SIPA1L1: variants seen among roughly 807,000 people sequenced by gnomAD.
SIPA1L1 encodes signal induced proliferation associated 1 like 1.
A neutral mutation model predicts 162.7 loss-of-function variants in SIPA1L1; 26 were observed. The ratio of observed to expected loss-of-function variants is 0.16; its 90% CI spans 0.12 to 0.22. The LOEUF is 0.22. Among genes scored for constraint, SIPA1L1 ranks in the 10% least tolerant of loss-of-function variants. The probability of loss-of-function intolerance (pLI) is 1.00; values close to 1 mark genes in which losing one functional copy is unlikely to be tolerated. For synonymous variants in SIPA1L1, 829 were observed against 837.4 expected, an observed-to-expected ratio of 0.99 and a Z score of 0.17; for missense variants, 1,874 against 2,241.0, an observed-to-expected ratio of 0.84 and a Z score of 3.31.
At chr14:71,538,062 T>C (rs966912795) in intron 4 of SIPA1L1, among the ~76,000 whole-genome samples, 1 of 152,236 alleles carries the variant, frequency 6.6e-6, no homozygotes, top group Non-Finnish European at 1.5e-5. Context: ...CACTCTCTCC[T>C]TTCTAATTTC....
chr14:71,377,388 C>T lies in SIPA1L1; in HGVS notation c.-465+56207C>T, dbSNP rs926047619. 1.4e-4 allele frequency among the ~76,000 whole-genome samples: 21 copies of T among 151,800 alleles called. No individual in the cohort carries two copies. Among genetic ancestry groups the T allele is most frequent in the Middle Eastern group, 3.4e-3 (1 of 292 alleles). On this transcript the variant is annotated intron_variant, in intron 2 of 23. Transcript: ENST00000381232. This position sits in a 1 kb window ranked among gnomAD's most constrained non-coding sequence, Gnocchi z 4.8. Reference sequence around the variant, plus strand: ...CTCAGTTCCCAGACGGGGTCGCGGCCGGGCAGAGGCACTCCTCACCTCCCA... The same window carrying T: ...CTCAGTTCCCAGACGGGGTCGCGGCTGGGCAGAGGCACTCCTCACCTCCCA...
intron 2 of SIPA1L1, among the ~76,000 whole-genome samples, chr14:71,491,005 T>C (rs1472761631): frequency 6.6e-6 from 1 of 152,210 alleles, no homozygotes; most frequent in East Asian, 1.9e-4. Context: ...CCTAATATTT[T>C]ATAATGCTCT....
At chr14:71,467,794 T>A (rs1366634404) in intron 2 of SIPA1L1, among the ~76,000 whole-genome samples, 1 of 151,022 alleles carries the variant, frequency 6.6e-6, no homozygotes, top group East Asian at 1.9e-4. Context: ...GGTGGGAGGA[T>A]TGCTTGAGGC....
intron 7 of SIPA1L1, among the ~76,000 whole-genome samples, chr14:71,633,452 G>A (rs770217173): frequency 2.6e-5 from 4 of 152,076 alleles, no homozygotes; most frequent in East Asian, 3.9e-4. Flanking sequence ...GATTACAGGC[G>A]TGAGCCACAG....
intron 7 of SIPA1L1, among the ~76,000 whole-genome samples, chr14:71,638,492 T>C (rs1371341407): frequency 1.3e-5 from 2 of 152,236 alleles, no homozygotes; most frequent in Admixed American, 6.5e-5. Context: ...TTTGAACTTA[T>C]TTATGATAAA....
At chr14:71,602,196 T>C (rs1289583680) in intron 5 of SIPA1L1, among the ~76,000 whole-genome samples, 1 of 152,328 alleles carries the variant, frequency 6.6e-6, no homozygotes, top group African/African-American at 2.4e-5. Flanking sequence ...TGTTGCTCAT[T>C]GTTATAAAAT....
intron 15 of SIPA1L1, among the ~76,000 whole-genome samples, chr14:71,703,565 C>T (rs1034130599): frequency 4.6e-5 from 7 of 152,190 alleles, no homozygotes; most frequent in Admixed American, 1.3e-4. Context: ...ATCCTACCCA[C>T]CCCTACACAG....
chr14:71,357,893 A>G (rs2037428384), intron 2 of SIPA1L1, among the ~76,000 whole-genome samples: 1 of 152,118 alleles, frequency 6.6e-6, no homozygotes, highest in African/African-American at 2.4e-5. Context: ...ATGCCCAGCT[A>G]ATTTTTTTTT....
intron 7 of SIPA1L1, among the ~76,000 whole-genome samples, chr14:71,624,637 T>C (rs1596480550): frequency 1.3e-5 from 2 of 152,164 alleles, no homozygotes; most frequent in Admixed American, 1.3e-4. Flanking sequence ...AAATATGTTA[T>C]CTCATTTAAT....
chr14:71,564,125 G>GT (rs1396027587), intron 4 of SIPA1L1, among the ~76,000 whole-genome samples: 2 of 151,672 alleles, frequency 1.3e-5, no homozygotes, highest in African/African-American at 2.4e-5. Context: ...TTTTAAATTT[G>GT]TTTTTTTGAG....
intron 2 of SIPA1L1, among the ~76,000 whole-genome samples, chr14:71,501,116 T>C (rs892985882): frequency 6.6e-6 from 1 of 151,912 alleles, no homozygotes; most frequent in African/African-American, 2.4e-5. Flanking sequence ...AGCTCAGGAG[T>C]TTGAACCAGC....
chr14:71,624,848 C>T (rs954614705), intron 7 of SIPA1L1, among the ~76,000 whole-genome samples: 2 of 152,058 alleles, frequency 1.3e-5, no homozygotes, highest in African/African-American at 4.8e-5. Flanking sequence ...TCTATTAGTA[C>T]CACCAAAGAT....
At chr14:71,461,632 C>A (rs1278148138) in intron 2 of SIPA1L1, among the ~76,000 whole-genome samples, 5 of 152,238 alleles carry the variant, frequency 3.3e-5, no homozygotes, top group Non-Finnish European at 7.3e-5. Flanking sequence ...CCCTGACCAT[C>A]CAGCCAAACT....
chr14:71,495,391 TA>T (rs1471909741), intron 2 of SIPA1L1, among the ~76,000 whole-genome samples: 2 of 151,668 alleles, frequency 1.3e-5, no homozygotes, highest in Non-Finnish European at 2.9e-5. Context: ...CTAATTTGTC[TA>T]ATTTGATGGC....
chr14:71,542,678 C>G (rs1429942406), intron 4 of SIPA1L1, among the ~76,000 whole-genome samples: 2 of 129,434 alleles, frequency 1.5e-5, no homozygotes, highest in Non-Finnish European at 3.3e-5. Flanking sequence ...TCCTCCTCCT[C>G]CTCCTTCCTT....
intron 18 of SIPA1L1, 124 bp from the exon 19 acceptor site, chr14:71,724,546 T>G: frequency 1.5e-6 from 1 of 686,742 alleles, no homozygotes. Flanking sequence ...CAGAAGTAAT[T>G]ATCTGTTTCT....
intron 2 of SIPA1L1, among the ~76,000 whole-genome samples, chr14:71,348,017 G>T (rs369738781): frequency 1.3e-5 from 2 of 152,210 alleles, no homozygotes; most frequent in East Asian, 3.9e-4. Context: ...AGAATAGGCC[G>T]AACTGCTACA....
intron 11 of SIPA1L1, 111 bp downstream of exon 11, chr14:71,671,803 A>T: frequency 5.3e-6 from 4 of 755,562 alleles, no homozygotes; most frequent in South Asian, 2.1e-5. Flanking sequence ...TCCTCTGAAA[A>T]CTCCCTTGAT....
chr14:71,613,673 T>C (rs1248089040), intron 5 of SIPA1L1, among the ~76,000 whole-genome samples: 1 of 152,184 alleles, frequency 6.6e-6, no homozygotes, highest in Non-Finnish European at 1.5e-5. Flanking sequence ...CCCTCATCCT[T>C]ACTCCCCTTC....
Sources: gnomAD v4.1 joint callset for allele counts (sites outside exome capture counted in the v4.1 genomes callset) on GRCh38, gnomAD v4.1.1 for gene constraint, Gnocchi (gnomAD v3.1) non-coding constraint, MANE v1.5 for transcripts, NCBI Gene and HGNC (gene_info 2026-07-23, HGNC 2026-07-21) for gene names.